Variants in SCN8A observed in about 807,000 individuals in gnomAD.
The protein encoded by SCN8A is sodium channel protein type 8 subunit alpha.
In SCN8A, 30 loss-of-function variants were observed where a neutral mutation model predicts 184.1. That is an observed-to-expected ratio of 0.16 (90% CI 0.12 to 0.22). SCN8A has a LOEUF of 0.22. Ranked by LOEUF, SCN8A falls within the 10% of genes least tolerant of loss-of-function variation. SCN8A has a pLI of 1.00. For synonymous variants in SCN8A, 852 were observed against 907.0 expected (o/e 0.94, Z 1.09); for missense variants, 1,057 against 2,498.9 (o/e 0.42, Z 12.30).
At chr12:51,696,394 T>C (rs902433678) in intron 6 of SCN8A, among the ~76,000 whole-genome samples, 5 of 152,210 alleles carry the variant, frequency 3.3e-5, no homozygotes, top group African/African-American at 9.7e-5. Flanking sequence ...CAAAATATAA[T>C]GAGGACTTCT....
intron 5 of SCN8A, chr12:51,688,667 C>A: frequency 2.4e-6 from 2 of 820,280 alleles, no homozygotes; most frequent in South Asian, 1.6e-5. Context: ...AAAATGAAAC[C>A]ATAGCTTGTA....
At chr12:51,771,926 A>G (rs1942931408) in intron 19 of SCN8A, among the ~76,000 whole-genome samples, 1 of 152,240 alleles carries the variant, frequency 6.6e-6, no homozygotes, top group Admixed American at 6.5e-5. Flanking sequence ...AGTATGACCC[A>G]TCATTTGGCT....
chr12:51,641,334 C>T (rs1229761486), intron 1 of SCN8A, among the ~76,000 whole-genome samples: 1 of 152,080 alleles, frequency 6.6e-6, no homozygotes, highest in Admixed American at 6.6e-5. Flanking sequence ...GAACCAATCC[C>T]CAATGGATAC....
chr12:51,732,808 T>C (rs919032756), intron 12 of SCN8A, among the ~76,000 whole-genome samples: 1 of 152,194 alleles, frequency 6.6e-6, no homozygotes, highest in Non-Finnish European at 1.5e-5. Context: ...GTATTTAATT[T>C]TATTTGTGGC....
At chr12:51,758,453 T>G (rs560826209) in intron 14 of SCN8A, among the ~76,000 whole-genome samples, 1 of 152,336 alleles carries the variant, frequency 6.6e-6, no homozygotes, top group African/African-American at 2.4e-5. Flanking sequence ...TGTTTTGTTT[T>G]TTGAGGCAGA....
intron 22 of SCN8A, 84 bp from the exon 23 acceptor site, chr12:51,788,611 C>T (rs553112173): frequency 1.9e-6 from 2 of 1,053,538 alleles, no homozygotes; most frequent in Non-Finnish European, 2.7e-6. Flanking sequence ...CTCACTGAAC[C>T]TAAGCCTGGC....
chr12:51,625,578 G>A (rs1321958495), intron 1 of SCN8A, among the ~76,000 whole-genome samples: 4 of 152,188 alleles, frequency 2.6e-5, no homozygotes, highest in Admixed American at 2.6e-4. Flanking sequence ...TAACTTTATA[G>A]GAAGTTGTCA....
At position 51,721,747 on chromosome 12, in the gene SCN8A, AGCTACAGCG is replaced by A. The variant is rs758276968; in HGVS notation, c.1855_1863del (p.Gly619_Ser621del). On this transcript the variant is annotated inframe_deletion, in exon 12 of 27. Transcript: ENST00000627620. ...CATCCGGGCCCGCGAGCGCCGGAGC[AGCTACAGCG>A]GCTACAGCGGCTACAGCCAGGGCAG... 154 of 1,609,250 alleles carry A rather than the reference AGCTACAGCG, an allele frequency of 9.6e-5. No homozygotes were observed. Among genetic ancestry groups the A allele is most frequent in the South Asian group, 2.0e-4 (18 of 90,668 alleles).
intron 6 of SCN8A, among the ~76,000 whole-genome samples, chr12:51,690,251 G>A (rs115330370): frequency 2.0e-5 from 3 of 152,170 alleles, no homozygotes; most frequent in Admixed American, 6.5e-5. Flanking sequence ...CAGCAGTTTC[G>A]TAGAAATAGG....
chr12:51,791,792 T>C (rs915675271), intron 25 of SCN8A, among the ~76,000 whole-genome samples: 3 of 152,134 alleles, frequency 2.0e-5, no homozygotes, highest in Non-Finnish European at 4.4e-5. Context: ...GGTAAGAGAA[T>C]TGCTTGAGCT....
intron 1 of SCN8A, among the ~76,000 whole-genome samples, chr12:51,592,890 C>T (rs1939260391): frequency 2.0e-5 from 3 of 151,940 alleles, no homozygotes; most frequent in Admixed American, 2.0e-4. Flanking sequence ...TCCCTCTGCA[C>T]TTCTCTTTTC....
intron 20 of SCN8A, among the ~76,000 whole-genome samples, chr12:51,775,644 T>C (rs1332820340): frequency 6.6e-6 from 1 of 152,208 alleles, no homozygotes; most frequent in Non-Finnish European, 1.5e-5. Flanking sequence ...AAGCTGGAGC[T>C]CTAAGACTTA....
rs374901929 is a variant in SCN8A, at chr12:51,778,143, A to G, written c.3820-2506A>G. On this transcript the variant is annotated intron_variant, in intron 20 of 26. Transcript: ENST00000627620. Reference sequence around the variant, plus strand: ...TGAACTCTGGACCATCTGCCTTTTCATGAAAATTAGGGTAGCCTAATAGGG... The same window carrying G: ...TGAACTCTGGACCATCTGCCTTTTCGTGAAAATTAGGGTAGCCTAATAGGG... Among the ~76,000 whole-genome samples, 6 of 152,300 alleles carry G rather than the reference A, an allele frequency of 3.9e-5. No homozygotes were observed. In the East Asian group the frequency reaches 1.2e-3, roughly 29 times the overall value.
chr12:51,625,664 G>A (rs369254023), intron 1 of SCN8A, among the ~76,000 whole-genome samples: 5 of 152,206 alleles, frequency 3.3e-5, no homozygotes, highest in East Asian at 3.9e-4. Flanking sequence ...TTAAACAATC[G>A]CTAAGATTCA....
intron 13 of SCN8A, among the ~76,000 whole-genome samples, chr12:51,748,409 T>G (rs1019494968): frequency 6.6e-6 from 1 of 152,144 alleles, no homozygotes; most frequent in East Asian, 1.9e-4. Context: ...GCAAACATGC[T>G]TACCAGGATC....
intron 26 of SCN8A, among the ~76,000 whole-genome samples, chr12:51,802,406 A>G: frequency 9.6e-6 from 1 of 103,904 alleles, no homozygotes; most frequent in East Asian, 2.2e-4. Flanking sequence ...GGGTCCTCCC[A>G]CACATCCCTA....
At chr12:51,716,744 T>G (rs1336783628) in intron 11 of SCN8A, among the ~76,000 whole-genome samples, 1 of 152,176 alleles carries the variant, frequency 6.6e-6, no homozygotes, top group Non-Finnish European at 1.5e-5. Flanking sequence ...TCAAGAGAGA[T>G]ATATGTGCCC....
Position 51,735,727 on chromosome 12 carries a change from C to T in SCN8A, c.1999-10176C>T, listed in dbSNP as rs550622621. On this transcript the variant is annotated intron_variant, in intron 12 of 26. Transcript: ENST00000627620. Reference sequence around the variant, plus strand: ...TTGGGGTCCTCCTCAGCATCGGTCTCGACATGGCTGCAACCGGGGGGTCCT... The same window carrying T: ...TTGGGGTCCTCCTCAGCATCGGTCTTGACATGGCTGCAACCGGGGGGTCCT... 1.4e-4 allele frequency among the ~76,000 whole-genome samples: 21 copies of T among 152,246 alleles called. No homozygotes were observed. The East Asian group carries it at 3.5e-3, about 25-fold the overall frequency.
intron 1 of SCN8A, among the ~76,000 whole-genome samples, chr12:51,657,459 C>T (rs886592029): frequency 2.0e-5 from 3 of 151,918 alleles, no homozygotes; most frequent in Admixed American, 6.6e-5. Flanking sequence ...AGTTCATTTG[C>T]CTATGTTTTA....
Sources: allele counts gnomAD v4.1 joint callset (sites outside exome capture counted in the v4.1 genomes callset), GRCh38; gene constraint gnomAD v4.1.1; transcripts MANE v1.5; gene names NCBI Gene and HGNC (gene_info 2026-07-23, HGNC 2026-07-21).